BTAF1: variants seen among roughly 807,000 people sequenced by gnomAD.
BTAF1 encodes the protein B-TFIID TATA-box binding protein associated factor 1, also known as TATA-binding protein-associated factor 172.
A neutral mutation model predicts 227.1 loss-of-function variants in BTAF1; 38 were observed. That is an observed-to-expected ratio of 0.17 (90% CI 0.13 to 0.22). BTAF1 has a LOEUF of 0.22. BTAF1 is among the 10% of genes least tolerant of loss of function. BTAF1 has a pLI of 1.00. For synonymous variants in BTAF1, 742 were observed against 751.9 expected (o/e 0.99, Z 0.21); for missense variants, 1,598 against 2,204.0 (o/e 0.73, Z 5.51).
At chr10:91,961,110 C>T (rs1026022974) in intron 11 of BTAF1, among the ~76,000 whole-genome samples, 10 of 152,046 alleles carry the variant, frequency 6.6e-5, no homozygotes, top group African/African-American at 2.4e-4. Flanking sequence ...GGGACTTCCA[C>T]AAATAGTTGT....
In BTAF1 at chr10:91,923,863, C is replaced by G. The variant is rs997551922; in HGVS notation, c.-214C>G. The stretch of plus-strand genomic sequence containing the variant: ...GTCGGAGGACTGCCGCCTCCGCTAC[C>G]GTCTTGGACCCCTGCTTACCGGCCG... On this transcript the variant is annotated 5_prime_UTR_variant, in exon 1 of 38. Coordinates refer to ENST00000265990, the MANE Select transcript of BTAF1 (RefSeq NM_003972.3). 2.1e-6 allele frequency: 1 copy of G among 471,906 alleles called. No individual in the cohort carries two copies. The highest frequency in any genetic ancestry group is 3.7e-6 in the Non-Finnish European group (1 of 271,468). 29.2% of individuals were successfully genotyped at this position (471,906 alleles called of 1,614,324 possible).
At chr10:92,012,436 C>T (rs1278464988) in intron 30 of BTAF1, among the ~76,000 whole-genome samples, 9 of 145,360 alleles carry the variant, frequency 6.2e-5, no homozygotes, top group East Asian at 6.1e-4. Flanking sequence ...TTCTAATAAC[C>T]GCAAGAGATA....
In BTAF1 at chr10:91,942,443, T is replaced by C. The variant is rs1401553180; in HGVS notation, c.275T>C (p.Met92Thr). 1 of 1,613,904 alleles carries C rather than the reference T, an allele frequency of 6.2e-7. No homozygotes were observed. The highest frequency in any genetic ancestry group is 1.7e-5 in the Admixed American group (1 of 60,018). ...GTAGAACCTACTTCCGAAAGTTCTA[T>C]GGAAGATTCACCTACTACAGAGCGA... ...TRQEPTSESS[M>T]EDSPTTERLN... Residue 92 changes from methionine (M) to threonine (T), a missense_variant, in exon 4 of 38, where the codon ATG becomes ACG. Physicochemically the swap from Met to Thr is moderately conservative, Grantham distance 81. Around this residue, in one of 10 missense-constraint regions of BTAF1, gnomAD observed 298 missense variants for 395.2 expected, o/e 0.75. Transcript: ENST00000265990.
chr10:92,003,702 A>G lies in BTAF1; in HGVS notation c.3661-4421A>G, dbSNP rs1849700960. ...TCTCAGCTATTGTGAATAATGCTGC[A>G]ATGAACACAGAAATACAGATATCTC... On this transcript the variant is annotated intron_variant, in intron 25 of 37. Transcript: ENST00000265990. Among the ~76,000 whole-genome samples, 2 of 152,244 alleles carry G rather than the reference A, an allele frequency of 1.3e-5. 1 individual carries two copies. The highest frequency in any genetic ancestry group is 4.1e-4 in the South Asian group (2 of 4,834).
At chr10:91,961,484 A>G (rs11186771) in intron 11 of BTAF1, among the ~76,000 whole-genome samples, 41,225 of 150,960 alleles carry the variant, frequency 0.27, 6,923 homozygotes, top group Non-Finnish European at 0.38. Context: ...ACTGCCAATA[A>G]CAAAGCATTC....
chr10:91,986,679 A>G (rs1265625176), intron 19 of BTAF1, among the ~76,000 whole-genome samples: 1 of 151,964 alleles, frequency 6.6e-6, no homozygotes, highest in African/African-American at 2.4e-5. Flanking sequence ...AATTTTCTTT[A>G]TAGTCTAGGT....
chr10:91,957,845 A>C (rs1846206486), intron 8 of BTAF1, among the ~76,000 whole-genome samples: 1 of 152,054 alleles, frequency 6.6e-6, no homozygotes, highest in African/African-American at 2.4e-5. Flanking sequence ...TCAAGTCATA[A>C]CTCATGGGGT....
At chr10:91,960,294 T>C in intron 11 of BTAF1, 140 bp downstream of exon 11, 1 of 840,508 alleles carries the variant, frequency 1.2e-6, no homozygotes, top group Non-Finnish European at 1.7e-6. Flanking sequence ...CTTGAGAGAG[T>C]GTCATAGAGA....
Position 91,981,750 on chromosome 10 carries a change from T to G in BTAF1, c.1863T>G (p.Pro621=). 6.2e-7 allele frequency: 1 copy of G among 1,613,730 alleles called. No individual in the cohort carries two copies. Among genetic ancestry groups the G allele is most frequent in the Non-Finnish European group, 8.5e-7 (1 of 1,179,782 alleles). Residue 621 remains proline (P), a synonymous_variant, in exon 16 of 38, where the codon CCT becomes CCG. Coordinates refer to ENST00000265990, the MANE Select transcript of BTAF1 (RefSeq NM_003972.3). The part of the protein sequence containing the change: ...LCLMMQPSHL[P]IDLNMLLEVK... ...TGATGATGCAGCCTTCTCATTTACC[T>G]ATCGATTTAAATATGTTGCTAGAAG...
chr10:91,970,850 G>A (rs1847246869), intron 14 of BTAF1, among the ~76,000 whole-genome samples: 1 of 152,208 alleles, frequency 6.6e-6, no homozygotes, highest in African/African-American at 2.4e-5. Flanking sequence ...TAAGCTGAAA[G>A]ATCAGGAAGA....
chr10:92,026,469 T>C (rs78534156), intron 35 of BTAF1, 123 bp from the exon 36 acceptor site: 1 of 747,384 alleles, frequency 1.3e-6, no homozygotes, highest in Non-Finnish European at 2.1e-6. Context: ...CAGATGATCA[T>C]GTAAGTATCC....
chr10:91,972,779 C>T (rs1014907490), intron 14 of BTAF1, among the ~76,000 whole-genome samples: 6 of 152,172 alleles, frequency 3.9e-5, no homozygotes, highest in Non-Finnish European at 8.8e-5. Context: ...TATAAAACTA[C>T]TAATTTGGTG....
intron 6 of BTAF1, among the ~76,000 whole-genome samples, chr10:91,954,810 G>T (rs1192669500): frequency 6.6e-6 from 1 of 152,016 alleles, no homozygotes; most frequent in South Asian, 2.1e-4. Context: ...CTCCTTCCTC[G>T]GCCTCCCAAA....
At chr10:91,946,065 T>C (rs1382784503) in intron 4 of BTAF1, among the ~76,000 whole-genome samples, 1 of 152,222 alleles carries the variant, frequency 6.6e-6, no homozygotes, top group Admixed American at 6.5e-5. Context: ...CTTTCATTAG[T>C]TGATGGACAT....
chr10:91,959,874 T>C lies in BTAF1; in HGVS notation c.1080T>C (p.Ser360=). 1 of 1,606,294 alleles carries C rather than the reference T, an allele frequency of 6.2e-7. No individual in the cohort carries two copies. Among genetic ancestry groups the C allele is most frequent in the South Asian group, 1.1e-5 (1 of 88,850 alleles). The change falls in exon 10 of 38, where the codon TCT becomes TCC. Residue 360 remains serine (S), a synonymous_variant. Coordinates refer to ENST00000265990, the MANE Select transcript of BTAF1 (RefSeq NM_003972.3). ...TAGACAGATTTGGAGACTTTGTTTC[T>C]GATGAAGTAAGTATCATTTAAGGGA... is the stretch of plus-strand genomic sequence containing the variant. ...FALDRFGDFV[S]DEVVAPVRET...
intron 34 of BTAF1, among the ~76,000 whole-genome samples, chr10:92,023,111 C>T (rs756480516): frequency 6.6e-6 from 1 of 152,174 alleles, no homozygotes; most frequent in African/African-American, 2.4e-5. Context: ...CCTCAGAAGG[C>T]AGGTTTCAGC....
At chr10:91,991,517 G>A (rs192142521) in intron 20 of BTAF1, among the ~76,000 whole-genome samples, 63 of 150,664 alleles carry the variant, frequency 4.2e-4, no homozygotes, top group East Asian at 7.9e-4. Flanking sequence ...TTGGGAGGCC[G>A]AGGCGGGCAG....
At position 91,992,141 on chromosome 10, in the gene BTAF1, A is replaced by G; in HGVS notation, c.2877A>G (p.Gly959=). 6.3e-7 allele frequency: 1 copy of G among 1,585,180 alleles called. No homozygotes were observed. Among genetic ancestry groups the G allele is most frequent in the Non-Finnish European group, 8.6e-7 (1 of 1,166,088 alleles). ...NSKGSTSEKD[G]MHHTVTKHRG... is the part of the protein sequence containing the mutation. ...TAGGATCCACCTCAGAAAAAGATGG[A>G]ATGCACCATACTGTCACCAAGCACA... The change falls in exon 21 of 38, where the codon GGA becomes GGG. Residue 959 remains glycine, a synonymous_variant. Coordinates refer to ENST00000265990, the MANE Select transcript of BTAF1 (RefSeq NM_003972.3).
At chr10:91,943,865 G>C (rs535247390) in intron 4 of BTAF1, among the ~76,000 whole-genome samples, 1 of 152,184 alleles carries the variant, frequency 6.6e-6, no homozygotes, top group African/African-American at 2.4e-5. Flanking sequence ...TCAAAGAAAA[G>C]CCTGGCTCAG....
Sources: allele counts gnomAD v4.1 joint callset (sites outside exome capture counted in the v4.1 genomes callset), GRCh38; gene constraint gnomAD v4.1.1; regional missense constraint gnomAD v4.1.1; transcripts MANE v1.5; gene names NCBI Gene and HGNC (gene_info 2026-07-23, HGNC 2026-07-21).